Variants in COL24A1 observed in about 807,000 individuals in gnomAD.
COL24A1 encodes the protein collagen type XXIV alpha 1 chain, also known as collagen alpha-1(XXIV) chain.
COL24A1 carries 224 observed loss-of-function variants against 253.9 expected under a neutral mutation model. The observed-to-expected ratio is 0.88, with a 90% CI of 0.79 to 0.99. The LOEUF (loss-of-function observed/expected upper bound fraction) is 0.99, where lower values mean the gene tolerates loss of function less well. Ranked by LOEUF, COL24A1 falls within the 50% of genes least tolerant of loss-of-function variation. The pLI is 0.00. For synonymous variants in COL24A1, 685 were observed against 673.7 expected (o/e 1.02, Z -0.26); for missense variants, 2,131 against 2,068.5 (o/e 1.03, Z -0.59).
chr1:85,794,235 T>G (rs1188202821), intron 47 of COL24A1, among the ~76,000 whole-genome samples: 1 of 152,184 alleles, frequency 6.6e-6, no homozygotes, highest in African/African-American at 2.4e-5. Flanking sequence ...ACCTCAAAAT[T>G]GCATAATTCT....
Position 85,755,886 on chromosome 1 carries a change from T to C in COL24A1, c.4437+5510A>G, listed in dbSNP as rs148714136. Among the ~76,000 whole-genome samples the C allele has an allele frequency of 6.8e-3, 896 of 131,736 alleles. 9 individuals carry two copies. The highest frequency in any genetic ancestry group is 0.024 in the African/African-American group (852 of 35,972). The allele number at this position is 131,736 out of a possible 152,430, so 86.4% of individuals were successfully genotyped here. On this transcript the variant is annotated intron_variant, in intron 55 of 59. Coordinates refer to ENST00000370571, the MANE Select transcript of COL24A1 (RefSeq NM_152890.7). The stretch of plus-strand genomic sequence containing the variant: ...GAGCACAGTCAACAAGAGAACAAAG[T>C]AGATAAATTAGACTATATCAGAAAA...
intron 20 of COL24A1, among the ~76,000 whole-genome samples, chr1:85,980,085 T>A (rs1014351486): frequency 2.7e-4 from 41 of 152,020 alleles, no homozygotes; most frequent in Admixed American, 9.2e-4. Context: ...AAAACAAAAA[T>A]CATATGATCA....
intron 32 of COL24A1, among the ~76,000 whole-genome samples, chr1:85,885,930 G>T (rs74716071): frequency 0.055 from 8,337 of 152,156 alleles, 535 homozygotes; most frequent in Admixed American, 0.19. Context: ...AGCTCTATTT[G>T]TCAGGTTTTT....
intron 28 of COL24A1, among the ~76,000 whole-genome samples, chr1:85,900,221 T>C (rs1453092103): frequency 6.6e-6 from 1 of 152,164 alleles, no homozygotes; most frequent in African/African-American, 2.4e-5. Flanking sequence ...AATACCAATG[T>C]CATTTTTCAC....
chr1:86,110,462 T>C (rs1705437372), intron 5 of COL24A1, among the ~76,000 whole-genome samples: 1 of 152,080 alleles, frequency 6.6e-6, no homozygotes, highest in Non-Finnish European at 1.5e-5. Context: ...CTGGCCGCGC[T>C]TGAGGAGCCC....
chr1:86,077,052 G>C (rs1702302387), intron 7 of COL24A1, among the ~76,000 whole-genome samples: 1 of 152,140 alleles, frequency 6.6e-6, no homozygotes, highest in Non-Finnish European at 1.5e-5. Context: ...AGAGTGAACA[G>C]GCAACCTACA....
intron 37 of COL24A1, among the ~76,000 whole-genome samples, chr1:85,861,954 TC>T (rs1353529641): frequency 1.3e-5 from 2 of 152,164 alleles, no homozygotes; most frequent in Non-Finnish European, 2.9e-5. Flanking sequence ...GCTTCATCTA[TC>T]TTGAAGGATC....
chr1:86,052,748 A>G (rs1700404253), intron 10 of COL24A1, among the ~76,000 whole-genome samples: 1 of 152,056 alleles, frequency 6.6e-6, no homozygotes, highest in Admixed American at 6.6e-5. Flanking sequence ...TGTTATATAT[A>G]TTTTATGTTC....
At chr1:86,038,814 A>G (rs1190786727) in intron 12 of COL24A1, among the ~76,000 whole-genome samples, 1 of 151,962 alleles carries the variant, frequency 6.6e-6, no homozygotes, top group Non-Finnish European at 1.5e-5. Flanking sequence ...ACTAGCACCA[A>G]CTTGGCCAGC....
intron 37 of COL24A1, among the ~76,000 whole-genome samples, chr1:85,864,622 T>C (rs1679577471): frequency 6.6e-6 from 1 of 152,186 alleles, no homozygotes; most frequent in Admixed American, 6.5e-5. Context: ...TTCTAACTAT[T>C]GATAATCTTC....
intron 24 of COL24A1, among the ~76,000 whole-genome samples, chr1:85,927,290 T>C (rs1042407415): frequency 1.3e-5 from 2 of 151,866 alleles, no homozygotes; most frequent in Non-Finnish European, 2.9e-5. Context: ...AGTCAGGGAG[T>C]TCCCTTTCCG....
At chr1:85,755,095 CA>C (rs1666092444) in intron 55 of COL24A1, among the ~76,000 whole-genome samples, 1 of 152,100 alleles carries the variant, frequency 6.6e-6, no homozygotes, top group African/African-American at 2.4e-5. Context: ...ACCAGATTAA[CA>C]GCTAATTTCC....
At chr1:86,026,389 G>A (rs1011667261) in intron 14 of COL24A1, among the ~76,000 whole-genome samples, 1 of 152,104 alleles carries the variant, frequency 6.6e-6, no homozygotes, top group African/African-American at 2.4e-5. Context: ...TCAAAGGCAG[G>A]ACCAGGTGGA....
chr1:86,119,256 T>C (rs553256852), intron 3 of COL24A1, among the ~76,000 whole-genome samples: 5 of 152,080 alleles, frequency 3.3e-5, no homozygotes, highest in Admixed American at 6.6e-5. Context: ...CTGAGAAACT[T>C]TGGAGCGAAG....
chr1:86,045,662 T>C (rs1265937835), intron 12 of COL24A1, among the ~76,000 whole-genome samples: 2 of 152,068 alleles, frequency 1.3e-5, no homozygotes, highest in African/African-American at 2.4e-5. Flanking sequence ...TTAAAAAGGG[T>C]GATAATAGCA....
At chr1:85,821,152 G>A (rs1052953734) in intron 45 of COL24A1, among the ~76,000 whole-genome samples, 1 of 152,192 alleles carries the variant, frequency 6.6e-6, no homozygotes, top group African/African-American at 2.4e-5. Context: ...TTATAGGACA[G>A]TTCACTCACA....
intron 20 of COL24A1, among the ~76,000 whole-genome samples, chr1:85,982,072 G>T (rs1693308256): frequency 6.6e-6 from 1 of 152,078 alleles, no homozygotes. Flanking sequence ...ACAAACAATG[G>T]AATATTATTC....
At chr1:85,826,543 C>T (rs1302644444) in intron 43 of COL24A1, among the ~76,000 whole-genome samples, 2 of 144,518 alleles carry the variant, frequency 1.4e-5, no homozygotes, top group Non-Finnish European at 3.0e-5. Context: ...GATATTGATT[C>T]TTCCTACCCA....
intron 52 of COL24A1, among the ~76,000 whole-genome samples, chr1:85,779,512 T>A (rs1323507318): frequency 6.6e-6 from 1 of 152,078 alleles, no homozygotes; most frequent in Non-Finnish European, 1.5e-5. Flanking sequence ...ATATAAGAGA[T>A]ACATAAGAAC....
Sources: gnomAD v4.1 joint callset for allele counts (sites outside exome capture counted in the v4.1 genomes callset) on GRCh38, gnomAD v4.1.1 for gene constraint, MANE v1.5 for transcripts, NCBI Gene and HGNC (gene_info 2026-07-23, HGNC 2026-07-21) for gene names.